PCGF5: variants seen among roughly 807,000 people sequenced by gnomAD.
The protein encoded by PCGF5 is polycomb group ring finger 5, also known as polycomb group RING finger protein 5.
In PCGF5, 9 loss-of-function variants were observed where a neutral mutation model predicts 44.3. The observed-to-expected ratio is 0.20, with a 90% confidence interval of 0.12 to 0.35. The LOEUF (loss-of-function observed/expected upper bound fraction) is 0.35. PCGF5 is among the 10% of genes least tolerant of loss of function. The pLI, the probability that PCGF5 is intolerant of heterozygous loss-of-function variation, is 1.00. For missense variants in PCGF5, 146 were observed against 305.3 expected, an observed-to-expected ratio of 0.48 and a Z score of 3.89; for synonymous variants, 95 against 102.5, an observed-to-expected ratio of 0.93 and a Z score of 0.44.
intron 2 of PCGF5, among the ~76,000 whole-genome samples, chr10:91,228,908 T>A (rs992999401): frequency 4.6e-5 from 7 of 152,180 alleles, no homozygotes; most frequent in Non-Finnish European, 8.8e-5. Context: ...AAATCTGTAA[T>A]AACAAGCCCT....
chr10:91,198,782 T>A, intron 1 of PCGF5, among the ~76,000 whole-genome samples: 1 of 152,232 alleles, frequency 6.6e-6, no homozygotes, highest in East Asian at 1.9e-4. Context: ...GGGCAGTACC[T>A]CTTAAGGATT....
chr10:91,186,570 GTA>G (rs1287287395), intron 1 of PCGF5, among the ~76,000 whole-genome samples: 2 of 125,334 alleles, frequency 1.6e-5, no homozygotes, highest in Non-Finnish European at 1.7e-5. Context: ...GTGTGTGTGT[GTA>G]TATATATGTG....
At chr10:91,238,632 G>A (rs74150616) in intron 2 of PCGF5, among the ~76,000 whole-genome samples, 5,423 of 28,866 alleles carry the variant, frequency 0.19, 196 homozygotes, top group African/African-American at 0.24. Flanking sequence ...TTTTTTTTTT[G>A]CCTCTTTCCC....
chr10:91,256,886 G>T (rs547713570), intron 6 of PCGF5, among the ~76,000 whole-genome samples: 3 of 152,196 alleles, frequency 2.0e-5, no homozygotes, highest in South Asian at 2.1e-4. Context: ...ATATTCCCAT[G>T]ACCTTGGATT....
chr10:91,263,554 C>A (rs1201086693), intron 7 of PCGF5, among the ~76,000 whole-genome samples: 1 of 152,172 alleles, frequency 6.6e-6, no homozygotes, highest in African/African-American at 2.4e-5. Flanking sequence ...CAAATGAAAT[C>A]TTTCCAGTTT....
At chr10:91,212,818 A>T (rs746629478) in intron 1 of PCGF5, among the ~76,000 whole-genome samples, 1 of 152,074 alleles carries the variant, frequency 6.6e-6, no homozygotes, top group Non-Finnish European at 1.5e-5. Context: ...AGTAAGTTTA[A>T]TTCATCTATT....
upstream of PCGF5, among the ~76,000 whole-genome samples, chr10:91,161,457 A>G (rs11186477): frequency 0.14 from 21,187 of 151,892 alleles, 2,251 homozygotes; most frequent in African/African-American, 0.3. Flanking sequence ...GACAGCGACA[A>G]ACCCACACTA....
intron 1 of PCGF5, among the ~76,000 whole-genome samples, chr10:91,173,721 G>T (rs1843654761): frequency 1.3e-5 from 2 of 151,858 alleles, no homozygotes; most frequent in South Asian, 4.1e-4. Context: ...AGTTATTCTG[G>T]TAATTTATTT....
chr10:91,228,600 A>G (rs1163721176), intron 2 of PCGF5, among the ~76,000 whole-genome samples: 1 of 152,186 alleles, frequency 6.6e-6, no homozygotes, highest in Non-Finnish European at 1.5e-5. Flanking sequence ...TTTATGTGGT[A>G]ATATGTAAGA....
intron 2 of PCGF5, among the ~76,000 whole-genome samples, chr10:91,230,481 G>T (rs1045397229): frequency 6.6e-6 from 1 of 151,862 alleles, no homozygotes; most frequent in African/African-American, 2.4e-5. Flanking sequence ...TAAAGCCAGG[G>T]CGCAAAGCTA....
chr10:91,173,595 T>TTTTTTTTC (rs71025342), intron 1 of PCGF5, among the ~76,000 whole-genome samples: 4 of 140,756 alleles, frequency 2.8e-5, no homozygotes, highest in South Asian at 4.5e-4. Flanking sequence ...TTTTTTTTTT[T>TTTTTTTTC]CCCACAGAAG....
intron 2 of PCGF5, among the ~76,000 whole-genome samples, chr10:91,232,977 A>T (rs1845050683): frequency 6.6e-6 from 1 of 152,196 alleles, no homozygotes; most frequent in South Asian, 2.1e-4. Context: ...TTTCTTCCAC[A>T]AAGTTCCACT....
intron 1 of PCGF5, among the ~76,000 whole-genome samples, chr10:91,191,718 GCTT>G (rs1844036877): frequency 6.6e-6 from 1 of 152,126 alleles, no homozygotes; most frequent in Non-Finnish European, 1.5e-5. Flanking sequence ...CTTTGGCCAT[GCTT>G]CTTTGGGATT....
Position 91,212,853 on chromosome 10 carries a change from T to C in PCGF5, c.-183-9836T>C, listed in dbSNP as rs575793070. Among the ~76,000 whole-genome samples, 18 of 152,346 alleles carry C rather than the reference T, an allele frequency of 1.2e-4. No homozygotes were observed. In the East Asian group the frequency reaches 3.5e-3, roughly 29 times the overall value. Reference sequence around the variant, plus strand: ...TGGGACGTTTGGATTTTTATTAAGCTTGATGTCTCCTCTCTTTGTAAAGAT... The same window carrying C: ...TGGGACGTTTGGATTTTTATTAAGCCTGATGTCTCCTCTCTTTGTAAAGAT... On this transcript the variant is annotated intron_variant, in intron 1 of 9. Coordinates refer to the PCGF5 transcript ENST00000614189.
intron 3 of PCGF5, 72 bp downstream of exon 3, chr10:91,240,652 CATA>C: frequency 1.1e-6 from 1 of 892,330 alleles, no homozygotes; most frequent in Non-Finnish European, 1.8e-6. Flanking sequence ...TATTGTATGT[CATA>C]ATATTTCATG....
chr10:91,278,357 T>G lies in PCGF5; in HGVS notation c.*41T>G, dbSNP rs768649579. 1 of 1,553,538 alleles carries G rather than the reference T, an allele frequency of 6.4e-7. No individual in the cohort carries two copies. The highest frequency in any genetic ancestry group is 8.9e-7 in the Non-Finnish European group (1 of 1,125,246). ...CCTCACTGAGATGAATCCTGCACTATTTGTTTACTCGTCAACAGATTGCAC... is the reference window on the plus strand; with the variant it reads ...CCTCACTGAGATGAATCCTGCACTAGTTGTTTACTCGTCAACAGATTGCAC... On this transcript the variant is annotated 3_prime_UTR_variant, in exon 10 of 10. Transcript: ENST00000336126.
chr10:91,168,425 GT>G (rs1421274017), intron 1 of PCGF5, among the ~76,000 whole-genome samples: 6 of 152,202 alleles, frequency 3.9e-5, no homozygotes, highest in African/African-American at 1.4e-4. Flanking sequence ...AGATTTGTCA[GT>G]GAGACCATCG....
chr10:91,264,564 A>G, intron 8 of PCGF5, 44 bp downstream of exon 8: 1 of 1,368,444 alleles, frequency 7.3e-7, no homozygotes, highest in South Asian at 1.3e-5. Flanking sequence ...TTAGTTATAT[A>G]CCATTATGTT....
intron 1 of PCGF5, among the ~76,000 whole-genome samples, chr10:91,199,087 A>G (rs564410047): frequency 1.1e-4 from 17 of 152,280 alleles, no homozygotes; most frequent in African/African-American, 4.1e-4. Flanking sequence ...ATTTTATTAA[A>G]AGCCTAGTTT....
Sources: gnomAD v4.1 joint callset for allele counts (sites outside exome capture counted in the v4.1 genomes callset) on GRCh38, gnomAD v4.1.1 for gene constraint, MANE v1.5 for transcripts, NCBI Gene and HGNC (gene_info 2026-07-23, HGNC 2026-07-21) for gene names.